The following SRGAP3 variants were observed in gnomAD, a reference collection of about 807,000 sequenced individuals.
SRGAP3 encodes SLIT-ROBO Rho GTPase activating protein 3.
SRGAP3 carries 39 observed loss-of-function variants against 121.1 expected under a neutral mutation model. That is an observed-to-expected ratio of 0.32 (90% confidence interval 0.25 to 0.42). SRGAP3 has a LOEUF of 0.42. Ranked by LOEUF, SRGAP3 falls within the 10% of genes least tolerant of loss-of-function variation. The probability of loss-of-function intolerance (pLI) is 1.00; values close to 1 mark genes in which losing one functional copy is unlikely to be tolerated. For missense variants in SRGAP3, 1,213 were observed against 1,470.6 expected, an observed-to-expected ratio of 0.82 and a Z score of 2.86; for synonymous variants, 601 against 570.0, an observed-to-expected ratio of 1.05 and a Z score of -0.77.
intron 4 of SRGAP3, among the ~76,000 whole-genome samples, chr3:9,069,533 G>A (rs974143529): frequency 6.6e-6 from 1 of 152,170 alleles, no homozygotes; most frequent in Non-Finnish European, 1.5e-5. Context: ...GGACTTCGTA[G>A]GGATGTGTCA....
chr3:9,055,751 C>T (rs1945789700), intron 8 of SRGAP3, among the ~76,000 whole-genome samples: 2 of 152,190 alleles, frequency 1.3e-5, no homozygotes, highest in African/African-American at 4.8e-5. Context: ...CCTATCACCC[C>T]ACAACCCAAA....
At chr3:9,073,509 G>A (rs1413583687) in intron 4 of SRGAP3, among the ~76,000 whole-genome samples, 2 of 152,134 alleles carry the variant, frequency 1.3e-5, no homozygotes, top group Non-Finnish European at 2.9e-5. Context: ...GTAGGGGAGC[G>A]CTTAAGCACT....
chr3:9,130,620 C>A (rs1018339655), intron 1 of SRGAP3, among the ~76,000 whole-genome samples: 3 of 152,190 alleles, frequency 2.0e-5, no homozygotes, highest in Admixed American at 1.3e-4. Context: ...GATGCTAGAC[C>A]GAGGCCCCTA....
At chr3:9,129,863 G>C (rs1210845017) in intron 1 of SRGAP3, among the ~76,000 whole-genome samples, 5 of 151,872 alleles carry the variant, frequency 3.3e-5, no homozygotes, top group Admixed American at 2.0e-4. Context: ...CCAGGTTCAA[G>C]GGATTGTCCT....
At chr3:9,067,008 C>T (rs1056782436) in intron 4 of SRGAP3, among the ~76,000 whole-genome samples, 6 of 152,162 alleles carry the variant, frequency 3.9e-5, no homozygotes, top group African/African-American at 1.4e-4. Flanking sequence ...GCTTCCTCGT[C>T]TGTAAAAATG....
At chr3:9,334,099 T>G (rs1047428045) in intron 1 of SRGAP3, among the ~76,000 whole-genome samples, 1 of 151,936 alleles carries the variant, frequency 6.6e-6, no homozygotes, top group African/African-American at 2.4e-5. Flanking sequence ...CAATAATACT[T>G]CACAGGATGA....
At chr3:9,291,175 C>G (rs182142414) in intron 3 of SRGAP3, among the ~76,000 whole-genome samples, 2 of 152,296 alleles carry the variant, frequency 1.3e-5, no homozygotes, top group Non-Finnish European at 2.9e-5. Flanking sequence ...ATCAATTCAT[C>G]TCGGCACTTT....
intron 3 of SRGAP3, among the ~76,000 whole-genome samples, chr3:9,271,954 T>A (rs1954485527): frequency 6.6e-6 from 1 of 152,244 alleles, no homozygotes; most frequent in Non-Finnish European, 1.5e-5. Flanking sequence ...CGTTCTGGAA[T>A]ATGGCTATCT....
At chr3:9,002,405 A>T (rs987262153) in intron 18 of SRGAP3, among the ~76,000 whole-genome samples, 4 of 152,212 alleles carry the variant, frequency 2.6e-5, no homozygotes, top group African/African-American at 9.6e-5. Context: ...ATGAAGATAC[A>T]ACATATCAAA....
intron 1 of SRGAP3, among the ~76,000 whole-genome samples, chr3:9,130,709 A>G (rs754595464): frequency 3.9e-5 from 6 of 152,270 alleles, no homozygotes; most frequent in Non-Finnish European, 5.9e-5. Context: ...AGACACTTTT[A>G]ATCCCTCTGT....
chr3:9,233,545 T>G (rs1030609612), intron 1 of SRGAP3, among the ~76,000 whole-genome samples: 1 of 152,220 alleles, frequency 6.6e-6, no homozygotes, highest in Non-Finnish European at 1.5e-5. Flanking sequence ...TGGAGTTGTG[T>G]GTTTCTCTTA....
chr3:9,328,114 T>C (rs955862708), intron 2 of SRGAP3, among the ~76,000 whole-genome samples: 1 of 152,232 alleles, frequency 6.6e-6, no homozygotes, highest in Non-Finnish European at 1.5e-5. Context: ...CTTTATTTTA[T>C]CAATAATCTT....
intron 1 of SRGAP3, among the ~76,000 whole-genome samples, chr3:9,362,112 G>A (rs2030889570): frequency 1.3e-5 from 2 of 151,118 alleles, no homozygotes; most frequent in South Asian, 2.1e-4. Flanking sequence ...GCTTCTGACT[G>A]GAAGCTAGGC....
chr3:9,190,932 T>G (rs1951734474), intron 1 of SRGAP3, among the ~76,000 whole-genome samples: 1 of 152,176 alleles, frequency 6.6e-6, no homozygotes, highest in African/African-American at 2.4e-5. Flanking sequence ...GCCTGCAAAG[T>G]TCTTCCCTCC....
intron 18 of SRGAP3, among the ~76,000 whole-genome samples, chr3:8,995,631 G>T (rs1363367080): frequency 6.6e-6 from 1 of 152,188 alleles, no homozygotes; most frequent in Non-Finnish European, 1.5e-5. Context: ...GAACTGCAGA[G>T]AGTTTAAGTG....
At chr3:9,235,237 T>A (rs941031011) in intron 1 of SRGAP3, among the ~76,000 whole-genome samples, 30 of 152,216 alleles carry the variant, frequency 2.0e-4, no homozygotes, top group Non-Finnish European at 3.8e-4. Flanking sequence ...AGGCCTATGA[T>A]TATTTTCCTA....
chr3:8,992,999 C>A lies in SRGAP3; in HGVS notation c.2465G>T (p.Gly822Val). 1 of 1,614,234 alleles carries A rather than the reference C, an allele frequency of 6.2e-7. No homozygotes were observed. The highest frequency in any genetic ancestry group is 8.5e-7 in the Non-Finnish European group (1 of 1,180,046). The change falls in exon 20 of 22, where the codon GGG (glycine) becomes GTG (valine). Residue 822 changes from glycine (G) to valine (V), a missense_variant. By Grantham distance (109) the Gly-to-Val change is moderately radical. Transcript: ENST00000383836. ...SQKADSEASS[G>V]PLLDDKASSK... is the part of the protein sequence containing the mutation. Reference sequence around the variant, plus strand: ...AGAGGCCTTGTCATCCAGCAATGGCCCACTGCTGGCCTCGCTGTCAGCCTT... The same window carrying A: ...AGAGGCCTTGTCATCCAGCAATGGCACACTGCTGGCCTCGCTGTCAGCCTT...
At chr3:9,063,090 T>G (rs1387372104) in intron 5 of SRGAP3, among the ~76,000 whole-genome samples, 1 of 152,124 alleles carries the variant, frequency 6.6e-6, no homozygotes, top group Non-Finnish European at 1.5e-5. Flanking sequence ...TGAGTTTGAT[T>G]TGCATTTCTT....
intron 2 of SRGAP3, among the ~76,000 whole-genome samples, chr3:9,107,029 T>C (rs867787531): frequency 4.3e-4 from 66 of 152,134 alleles, no homozygotes; most frequent in African/African-American, 1.4e-3. Context: ...TAAAAATCTA[T>C]CTAGGCAGCA....
Sources: gnomAD v4.1 joint callset for allele counts (sites outside exome capture counted in the v4.1 genomes callset) on GRCh38, gnomAD v4.1.1 for gene constraint, MANE v1.5 for transcripts, NCBI Gene and HGNC (gene_info 2026-07-23, HGNC 2026-07-21) for gene names.